SRPK2: variants seen among roughly 807,000 people sequenced by gnomAD.
SRPK2 encodes SRSF protein kinase 2, also known as SFRS protein kinase 2.
A neutral mutation model predicts 90.8 loss-of-function variants in SRPK2; 21 were observed. The ratio of observed to expected loss-of-function variants is 0.23; its 90% CI spans 0.16 to 0.33. SRPK2 has a LOEUF of 0.33. Ranked by LOEUF, SRPK2 falls within the 10% of genes least tolerant of loss-of-function variation. SRPK2 has a pLI of 1.00. For missense variants in SRPK2, 620 were observed against 869.0 expected, an observed-to-expected ratio of 0.71 and a Z score of 3.60; for synonymous variants, 288 against 311.1, an observed-to-expected ratio of 0.93 and a Z score of 0.78.
intron 6 of SRPK2, among the ~76,000 whole-genome samples, chr7:105,165,753 C>T (rs1048377410): frequency 6.6e-6 from 1 of 152,222 alleles, no homozygotes; most frequent in African/African-American, 2.4e-5. Context: ...AAGCTGGCCA[C>T]CCGAACCAGC....
intron 2 of SRPK2, among the ~76,000 whole-genome samples, chr7:105,221,514 A>G (rs186686267): frequency 6.6e-6 from 1 of 152,168 alleles, no homozygotes; most frequent in South Asian, 2.1e-4. Flanking sequence ...TTTCAAACCA[A>G]TATCACACCA....
At chr7:105,211,803 T>G (rs944306572) in intron 2 of SRPK2, among the ~76,000 whole-genome samples, 3 of 152,206 alleles carry the variant, frequency 2.0e-5, no homozygotes, top group African/African-American at 7.2e-5. Flanking sequence ...CAAATACTAC[T>G]TACTTATTTC....
chr7:105,336,769 C>T (rs1264766389), intron 2 of SRPK2, among the ~76,000 whole-genome samples: 1 of 152,174 alleles, frequency 6.6e-6, no homozygotes, highest in African/African-American at 2.4e-5. Context: ...GCATTCCCTA[C>T]AGTAACTGTG....
chr7:105,142,301 T>C lies in SRPK2; in HGVS notation c.1250A>G (p.Glu417Gly). The C allele has an allele frequency of 6.2e-7, 1 of 1,614,192 alleles. No individual in the cohort carries two copies. Among genetic ancestry groups the C allele is most frequent in the South Asian group, 1.1e-5 (1 of 91,082 alleles). ...ATATTCCTCAGGATTTGGGCAGTCT[T>C]CTTCATCATCATCTTCATCGTCCAG... ...QQLDDEDDDE[E>G]DCPNPEEYNL... The change falls in exon 11 of 16, where the codon GAA becomes GGA. Residue 417 changes from glutamate (E) to glycine (G), a missense_variant. Physicochemically the swap from Glu to Gly is moderately conservative, Grantham distance 98. Around this residue, in one of 8 missense-constraint regions of SRPK2, gnomAD observed 243 missense variants for 245.7 expected, o/e 0.99. Coordinates refer to ENST00000393651, the MANE Select transcript of SRPK2 (RefSeq NM_182692.3).
chr7:105,167,324 A>G, intron 6 of SRPK2, 53 bp downstream of exon 6: 1 of 1,471,028 alleles, frequency 6.8e-7, no homozygotes. Context: ...AGCTTGAAAT[A>G]TTTTCATTTT....
intron 3 of SRPK2, among the ~76,000 whole-genome samples, chr7:105,170,560 G>A (rs1397294595): frequency 6.6e-6 from 1 of 151,468 alleles, no homozygotes; most frequent in Non-Finnish European, 1.5e-5. Context: ...CAGGTGTGCT[G>A]GCGAACTCCT....
intron 14 of SRPK2, 126 bp downstream of exon 14, chr7:105,126,867 C>T: frequency 1.1e-6 from 1 of 905,874 alleles, no homozygotes; most frequent in Non-Finnish European, 1.7e-6. Context: ...AAAGGAAAAG[C>T]ATCTGAATTT....
intron 2 of SRPK2, among the ~76,000 whole-genome samples, chr7:105,373,254 C>T (rs561108188): frequency 6.6e-6 from 1 of 152,070 alleles, no homozygotes; most frequent in East Asian, 1.9e-4. Flanking sequence ...GATACTAATG[C>T]TAATGATATC....
At chr7:105,289,929 T>C (rs1258471671) in intron 2 of SRPK2, among the ~76,000 whole-genome samples, 2 of 151,888 alleles carry the variant, frequency 1.3e-5, no homozygotes, top group African/African-American at 2.4e-5. Context: ...TGAATTAGCT[T>C]AATTTCAATA....
chr7:105,258,156 C>T (rs1299535748), intron 2 of SRPK2, among the ~76,000 whole-genome samples: 1 of 151,534 alleles, frequency 6.6e-6, no homozygotes, highest in Non-Finnish European at 1.5e-5. Flanking sequence ...CGGTGGATCA[C>T]GCCTGTAATC....
chr7:105,205,549 A>T (rs1314382209), intron 2 of SRPK2, among the ~76,000 whole-genome samples: 72 of 142,448 alleles, frequency 5.1e-4, no homozygotes, highest in African/African-American at 2.1e-3. Context: ...ACACACACAC[A>T]CACACACACA....
Position 105,233,268 on chromosome 7 carries a change from AAGC to A in SRPK2, c.72-29486_72-29484del, listed in dbSNP as rs1278863448. On this transcript the variant is annotated intron_variant, in intron 2 of 15. Transcript: ENST00000393651. ...AAAACACCTAATCGCATCTGAAACT[AAGC>A]AGTTGACAAGAGAATGCAGATACAA... Among the ~76,000 whole-genome samples the A allele has an allele frequency of 2.0e-5, 3 of 152,304 alleles. No individual in the cohort carries two copies. The East Asian group carries it at 5.8e-4, about 29-fold the overall frequency.
chr7:105,284,175 C>T (rs1256384341), intron 2 of SRPK2, among the ~76,000 whole-genome samples: 1 of 152,078 alleles, frequency 6.6e-6, no homozygotes, highest in African/African-American at 2.4e-5. Flanking sequence ...GCTGTGCTGC[C>T]GAGCATGAAA....
chr7:105,325,482 T>A, intron 2 of SRPK2, among the ~76,000 whole-genome samples: 1 of 67,784 alleles, frequency 1.5e-5, no homozygotes, highest in Non-Finnish European at 2.8e-5. Flanking sequence ...AGAAACCAAG[T>A]CTTCAAAAAA....
At chr7:105,272,318 T>C (rs1483450454) in intron 2 of SRPK2, among the ~76,000 whole-genome samples, 2 of 152,230 alleles carry the variant, frequency 1.3e-5, no homozygotes, top group Non-Finnish European at 2.9e-5. Flanking sequence ...ATCTCAGCCT[T>C]TAATCAATCC....
At chr7:105,396,226 G>A (rs1822318174) in intron 1 of SRPK2, among the ~76,000 whole-genome samples, 1 of 152,014 alleles carries the variant, frequency 6.6e-6, no homozygotes, top group Non-Finnish European at 1.5e-5. Flanking sequence ...GTAGCTTTTA[G>A]AAAGAATGGT....
intron 2 of SRPK2, among the ~76,000 whole-genome samples, chr7:105,265,230 A>T (rs1273901149): frequency 6.6e-6 from 1 of 152,202 alleles, no homozygotes; most frequent in African/African-American, 2.4e-5. Context: ...ACAGATCAAA[A>T]ATATTTGGGA....
chr7:105,186,239 TTATGTGTA>T (rs942915668), intron 3 of SRPK2, among the ~76,000 whole-genome samples: 1 of 152,212 alleles, frequency 6.6e-6, no homozygotes, highest in Non-Finnish European at 1.5e-5. Flanking sequence ...TGCAGGTTTG[TTATGTGTA>T]TATATTACAC....
intron 2 of SRPK2, among the ~76,000 whole-genome samples, chr7:105,322,131 T>C (rs774928684): frequency 2.6e-5 from 4 of 152,190 alleles, no homozygotes; most frequent in Non-Finnish European, 5.9e-5. Flanking sequence ...AATGGAATGT[T>C]GGGCCAGGCA....
Sources: gnomAD v4.1 joint callset for allele counts (sites outside exome capture counted in the v4.1 genomes callset) on GRCh38, gnomAD v4.1.1 for gene constraint, gnomAD v4.1.1 regional missense constraint, MANE v1.5 for transcripts, NCBI Gene and HGNC (gene_info 2026-07-23, HGNC 2026-07-21) for gene names.